FAM171A2: variants seen among roughly 807,000 people sequenced by gnomAD.
FAM171A2 encodes protein FAM171A2.
A neutral mutation model predicts 34.2 loss-of-function variants in FAM171A2; 13 were observed. The observed-to-expected ratio is 0.38, with a 90% confidence interval of 0.25 to 0.60. The LOEUF (loss-of-function observed/expected upper bound fraction) is 0.60, where lower values mean the gene tolerates loss of function less well. Ranked by LOEUF, FAM171A2 falls within the 20% of genes least tolerant of loss-of-function variation. FAM171A2 has a pLI of 0.62. For synonymous variants in FAM171A2, 475 were observed against 561.2 expected (o/e 0.85, Z 2.17); for missense variants, 950 against 1,180.7 (o/e 0.80, Z 2.86).
Position 44,355,836 on chromosome 17 carries a change from CCAGCCCTGTGCCAGGCGAGGG to C in FAM171A2, c.896-16_900del. ...TCCTGGATGCCCGACGTGATGGTGA[CCAGCCCTGTGCCAGGCGAGGG>C]CTTAGCGTTCAGGTGTAGACACCCT... On this transcript the variant is annotated splice_acceptor_variant and splice_polypyrimidine_tract_variant and coding_sequence_variant and intron_variant, in exon 7 of 8. Transcript: ENST00000293443. LOFTEE classifies it high-confidence loss of function. This position sits in a 1 kb window ranked among gnomAD's most constrained non-coding sequence, Gnocchi z 4.1. 1 of 1,551,662 alleles carries C rather than the reference CCAGCCCTGTGCCAGGCGAGGG, an allele frequency of 6.4e-7. No homozygotes were observed. Among genetic ancestry groups the C allele is most frequent in the Non-Finnish European group, 8.7e-7 (1 of 1,146,998 alleles).
chr17:44,353,470 A>C lies in FAM171A2; in HGVS notation c.*263T>G, dbSNP rs1340488181. On this transcript the variant is annotated 3_prime_UTR_variant, in exon 8 of 8. Transcript: ENST00000293443. ...GAGCTTTCTATGTACAGCCACGTCT[A>C]CACAGGCACTGCTTCCCCCCAGCCC... The C allele has an allele frequency of 3.3e-5, 7 of 211,410 alleles. No individual in the cohort carries two copies. The highest frequency in any genetic ancestry group is 4.7e-5 in the African/African-American group (2 of 42,814). 13.1% of individuals were successfully genotyped at this position (211,410 alleles called of 1,614,324 possible). A position where few individuals can be genotyped will look rare whatever the true frequency, so the allele number is the denominator to read the frequency against.
chr17:44,359,809 G>A (rs2048440593), intron 2 of FAM171A2, 96 bp downstream of exon 2: 1 of 1,399,496 alleles, frequency 7.1e-7, no homozygotes, highest in Admixed American at 2.2e-5. Flanking sequence ...GCAGCTGCTG[G>A]AAAGCCTCCC....
Position 44,356,677 on chromosome 17 carries a change from G to A in FAM171A2, c.440-89C>T, listed in dbSNP as rs139320424. ...AAACCCATTATCTAAGGAAAAGGGGGACATGAGGTCAGGCCACTTTGGAAG... is the reference window on the plus strand; with the variant it reads ...AAACCCATTATCTAAGGAAAAGGGGAACATGAGGTCAGGCCACTTTGGAAG... On this transcript the variant is annotated intron_variant, in intron 3 of 7. Transcript: ENST00000293443. 6.5e-5 allele frequency: 92 copies of A among 1,405,012 alleles called. No individual in the cohort carries two copies. The East Asian group carries it at 2.2e-3, about 33-fold the overall frequency. 87.0% of individuals were successfully genotyped at this position (1,405,012 alleles called of 1,614,324 possible).
chr17:44,361,720 G>T (rs899492273), intron 1 of FAM171A2, among the ~76,000 whole-genome samples: 1 of 152,058 alleles, frequency 6.6e-6, no homozygotes, highest in East Asian at 1.9e-4. Flanking sequence ...CATTTGATGT[G>T]ATTTAATTCT....
chr17:44,355,834 G>T lies in FAM171A2; in HGVS notation c.903C>A (p.Val301=). ...TGTCCTGGATGCCCGACGTGATGGT[G>T]ACCAGCCCTGTGCCAGGCGAGGGCT... is the stretch of plus-strand genomic sequence containing the variant. ...AAMASPTAGL[V]TITSGIQDIG... Residue 301 remains valine (V), a synonymous_variant, in exon 7 of 8, where the codon GTC becomes GTA. Transcript: ENST00000293443. This position sits in a 1 kb window ranked among gnomAD's most constrained non-coding sequence, Gnocchi z 4.1. 1 of 1,551,650 alleles carries T rather than the reference G, an allele frequency of 6.4e-7. No individual in the cohort carries two copies. Among genetic ancestry groups the T allele is most frequent in the South Asian group, 1.2e-5 (1 of 84,038 alleles).
At chr17:44,362,491 C>A (rs1325406439) in intron 1 of FAM171A2, among the ~76,000 whole-genome samples, 1 of 152,208 alleles carries the variant, frequency 6.6e-6, no homozygotes, top group Non-Finnish European at 1.5e-5. Flanking sequence ...GCTTTTCCTG[C>A]CAGCTCCTTA....
rs1485906636 is a variant in FAM171A2, at chr17:44,354,591, C to G, written c.1623G>C (p.Val541=). ...NVYRNVMPTL[V]IPAHYVRLGG... is the part of the protein sequence containing the mutation. ...CGAGGCGCACGTAGTGCGCGGGGAT[C>G]ACCAGGGTGGGCATGACGTTGCGGT... The change falls in exon 8 of 8, where the codon GTG becomes GTC. Residue 541 remains valine (V), a synonymous_variant. Coordinates refer to ENST00000293443, the MANE Select transcript of FAM171A2 (RefSeq NM_198475.3). This position sits in a 1 kb window ranked among gnomAD's most constrained non-coding sequence, Gnocchi z 5.8. 3.1e-5 allele frequency: 39 copies of G among 1,240,106 alleles called. No individual in the cohort carries two copies. Among genetic ancestry groups the G allele is most frequent in the Non-Finnish European group, 3.7e-5 (37 of 989,310 alleles). 76.8% of individuals were successfully genotyped at this position (1,240,106 alleles called of 1,614,324 possible). A position where few individuals can be genotyped will look rare whatever the true frequency, so the allele number is the denominator to read the frequency against.
At position 44,353,414 on chromosome 17, in the gene FAM171A2, G is replaced by A. The variant is rs1157996426; in HGVS notation, c.*319C>T. The A allele has an allele frequency of 5.8e-6, 1 of 173,134 alleles. No individual in the cohort carries two copies. The highest frequency in any genetic ancestry group is 1.7e-4 in the East Asian group (1 of 5,916). The allele number at this position is 173,134 out of a possible 1,614,324, so 10.7% of individuals were successfully genotyped here. On this transcript the variant is annotated 3_prime_UTR_variant, in exon 8 of 8. Coordinates refer to ENST00000293443, the MANE Select transcript of FAM171A2 (RefSeq NM_198475.3). ...CCCAGCCCTCACACTAGCAGCTGAG[G>A]CTGGGTCACCCCTCCTGCTTTCCCA...
rs61742030 is a variant in FAM171A2 at position 44,356,434 on chromosome 17, G to A, written c.594C>T (p.Ser198=). 250 of 1,550,866 alleles carry A rather than the reference G, an allele frequency of 1.6e-4. No homozygotes were observed. The Middle Eastern group carries it at 1.7e-3, about 11-fold the overall frequency. Residue 198 remains serine, a synonymous_variant, in exon 4 of 8, where the codon AGC becomes AGT. Transcript: ENST00000293443. ...FPAFLGTEAS[S]SGNGSWLELM... ...CGTGCTGGGCACCCAGCCTACCTGA[G>A]CTGGAGGCCTCAGTGCCCAGGAAGG... is the stretch of plus-strand genomic sequence containing the variant.
chr17:44,354,057 GGGCGGCGGC>G lies in FAM171A2; in HGVS notation c.2148_2156del (p.Pro717_Pro719del). 16 of 1,124,910 alleles carry G rather than the reference GGGCGGCGGC, an allele frequency of 1.4e-5. No homozygotes were observed. The highest frequency in any genetic ancestry group is 1.7e-5 in the Non-Finnish European group (16 of 920,286). 69.7% of individuals were successfully genotyped at this position (1,124,910 alleles called of 1,614,324 possible). On this transcript the variant is annotated inframe_deletion, in exon 8 of 8. Coordinates refer to ENST00000293443, the MANE Select transcript of FAM171A2 (RefSeq NM_198475.3). The surrounding 1 kb of genome is among the most constrained non-coding windows in gnomAD (Gnocchi z 5.8). ...CGCTGAGCGCCAGGCGCGGGGGCGCGGGCGGCGGCGGCGGCGCGGCAGGCGGGGCGCGCT... is the reference window on the plus strand; with the variant it reads ...CGCTGAGCGCCAGGCGCGGGGGCGCGGGCGGCGCGGCAGGCGGGGCGCGCT...
intron 1 of FAM171A2, among the ~76,000 whole-genome samples, chr17:44,361,647 A>G (rs2048448317): frequency 6.6e-6 from 1 of 151,426 alleles, no homozygotes; most frequent in African/African-American, 2.4e-5. Flanking sequence ...GTGGGTGCAC[A>G]CTCCACTCAC....
Position 44,354,569 on chromosome 17 carries a change from G to C in FAM171A2, c.1645C>G (p.Leu549Val). The C allele has an allele frequency of 8.2e-7, 1 of 1,215,368 alleles. No individual in the cohort carries two copies. Among genetic ancestry groups the C allele is most frequent in the South Asian group, 4.0e-5 (1 of 25,190 alleles). The allele number at this position is 1,215,368 out of a possible 1,614,324, so 75.3% of individuals were successfully genotyped here. The change falls in exon 8 of 8, where the codon CTC becomes GTC. Residue 549 changes from leucine to valine, a missense_variant. Physicochemically the swap from Leu to Val is conservative, Grantham distance 32. This residue lies in a region of FAM171A2 where 752 missense variants were observed against 924.5 expected (regional missense o/e 0.81). Transcript: ENST00000293443. The surrounding 1 kb of genome is among the most constrained non-coding windows in gnomAD (Gnocchi z 5.8). ...TLVIPAHYVR[L>V]GGEAGAAGVG... The stretch of plus-strand genomic sequence containing the variant: ...CCGGCGGCGCCCGCCTCGCCGCCGA[G>C]GCGCACGTAGTGCGCGGGGATCACC...
Position 44,354,240 on chromosome 17 carries a change from G to A in FAM171A2, c.1974C>T (p.Leu658=), listed in dbSNP as rs1438741702. ...KPHPRAWFVS[L]DGRSNSQVRH... is the part of the protein sequence containing the mutation. The stretch of plus-strand genomic sequence containing the variant: ...GCACTTGCGAGTTGGAGCGCCCGTC[G>A]AGGGACACGAACCAGGCGCGCGGGT... The change falls in exon 8 of 8, where the codon CTC becomes CTT. Residue 658 remains leucine, a synonymous_variant. Transcript: ENST00000293443. The surrounding 1 kb of genome is among the most constrained non-coding windows in gnomAD (Gnocchi z 5.8). 2.7e-6 allele frequency: 4 copies of A among 1,454,788 alleles called. No homozygotes were observed. In the East Asian group the frequency reaches 8.8e-5, roughly 32 times the overall value. 90.1% of individuals were successfully genotyped at this position (1,454,788 alleles called of 1,614,324 possible).
Position 44,354,052 on chromosome 17 carries a change from G to C in FAM171A2, c.2162C>G (p.Pro721Arg). 1 of 1,136,964 alleles carries C rather than the reference G, an allele frequency of 8.8e-7. No individual in the cohort carries two copies. Among genetic ancestry groups the C allele is most frequent in the Non-Finnish European group, 1.1e-6 (1 of 927,956 alleles). The allele number at this position is 1,136,964 out of a possible 1,614,324, so 70.4% of individuals were successfully genotyped here. The change falls in exon 8 of 8, where the codon CCC becomes CGC. Residue 721 changes from proline (P) to arginine (R), a missense_variant. Around this residue, in one of 3 missense-constraint regions of FAM171A2, gnomAD observed 191 missense variants for 222.8 expected, o/e 0.86. Transcript: ENST00000293443. This position sits in a 1 kb window ranked among gnomAD's most constrained non-coding sequence, Gnocchi z 5.8. ...PPAAPPPPPA[P>R]PRLALSEDTE... is the part of the protein sequence containing the mutation. ...GTCCTCGCTGAGCGCCAGGCGCGGG[G>C]GCGCGGGCGGCGGCGGCGGCGCGGC...
chr17:44,362,584 G>A (rs1434099864), intron 1 of FAM171A2, among the ~76,000 whole-genome samples: 2 of 152,334 alleles, frequency 1.3e-5, no homozygotes, highest in East Asian at 3.9e-4. Context: ...CCGGGAGGTG[G>A]ACTCAGGACT....
chr17:44,363,602 G>T lies in FAM171A2; in HGVS notation c.113C>A (p.Pro38Gln). The T allele has an allele frequency of 8.1e-7, 1 of 1,227,598 alleles. No individual in the cohort carries two copies. The highest frequency in any genetic ancestry group is 1.0e-6 in the Non-Finnish European group (1 of 984,112). 76.0% of individuals were successfully genotyped at this position (1,227,598 alleles called of 1,614,324 possible). ...PGKSPPEPPS[P>Q]QEILIKVQVY... ...CCCTCCCGGCTGAGACTCACCCTGCGGGCTGGGGGGCTCCGGCGGCGACTT... is the reference window on the plus strand; with the variant it reads ...CCCTCCCGGCTGAGACTCACCCTGCTGGCTGGGGGGCTCCGGCGGCGACTT... Residue 38 changes from proline to glutamine, a missense_variant, in exon 1 of 8, where the codon CCG (proline) becomes CAG (glutamine). Coordinates refer to ENST00000293443, the MANE Select transcript of FAM171A2 (RefSeq NM_198475.3).
Position 44,355,242 on chromosome 17 carries a change from G to A in FAM171A2, c.1023-51C>T. On this transcript the variant is annotated intron_variant, in intron 7 of 7. Transcript: ENST00000293443. The surrounding 1 kb of genome is among the most constrained non-coding windows in gnomAD (Gnocchi z 4.1). ...CGCTCAGGAAAGGGTGAGGGCCAAA[G>A]TAGGCCCCGAACCCCCTTAGATGCA... 1 of 1,539,606 alleles carries A rather than the reference G, an allele frequency of 6.5e-7. No individual in the cohort carries two copies.
intron 1 of FAM171A2, among the ~76,000 whole-genome samples, chr17:44,362,217 G>C (rs2048450963): frequency 1.3e-5 from 2 of 152,082 alleles, no homozygotes; most frequent in South Asian, 4.1e-4. Context: ...CCAATTCCCT[G>C]GGCCCCTTCC....
chr17:44,356,689 G>A, intron 3 of FAM171A2, 101 bp from the exon 4 acceptor site: 2 of 1,346,588 alleles, frequency 1.5e-6, no homozygotes, highest in Middle Eastern at 2.7e-4. Flanking sequence ...CATGAGGTCA[G>A]GCCACTTTGG....
Sources: allele counts gnomAD v4.1 joint callset (sites outside exome capture counted in the v4.1 genomes callset), GRCh38; gene constraint gnomAD v4.1.1; regional missense constraint gnomAD v4.1.1; non-coding constraint Gnocchi (gnomAD v3.1); transcripts MANE v1.5; gene names NCBI Gene and HGNC (gene_info 2026-07-23, HGNC 2026-07-21).